Variants in SNTG1 observed in about 807,000 individuals in gnomAD.
SNTG1 encodes the protein syntrophin gamma 1.
In SNTG1, 39 loss-of-function variants were observed where a neutral mutation model predicts 74.7. The observed-to-expected ratio is 0.52, with a 90% CI of 0.40 to 0.68. The LOEUF is 0.68. SNTG1 is among the 30% of genes least tolerant of loss of function. SNTG1 has a pLI of 0.00. For synonymous variants in SNTG1, 254 were observed against 217.1 expected (o/e 1.17, Z -1.49); for missense variants, 685 against 609.5 (o/e 1.12, Z -1.30).
intron 13 of SNTG1, among the ~76,000 whole-genome samples, chr8:50,601,477 C>T (rs1308993852): frequency 3.3e-5 from 5 of 152,056 alleles, no homozygotes; most frequent in Admixed American, 6.6e-5. Context: ...CCATTGCAGT[C>T]AGAGAAAATG....
At chr8:50,646,355 C>G (rs765918002) in intron 13 of SNTG1, among the ~76,000 whole-genome samples, 4 of 152,100 alleles carry the variant, frequency 2.6e-5, no homozygotes, top group Non-Finnish European at 5.9e-5. Flanking sequence ...TTCAGTAGGT[C>G]TGGGTTAAGA....
intron 1 of SNTG1, among the ~76,000 whole-genome samples, chr8:50,064,609 T>A (rs796226675): frequency 2.6e-5 from 4 of 152,334 alleles, no homozygotes; most frequent in African/African-American, 9.6e-5. Flanking sequence ...GCCTGTGTGG[T>A]CATCCACAAT....
At chr8:50,268,943 G>A (rs1312563548) in intron 2 of SNTG1, among the ~76,000 whole-genome samples, 1 of 152,108 alleles carries the variant, frequency 6.6e-6, no homozygotes, top group Non-Finnish European at 1.5e-5. Flanking sequence ...ACAGGTGTGA[G>A]CCATCGCACC....
intron 2 of SNTG1, among the ~76,000 whole-genome samples, chr8:50,263,453 A>G (rs2087298997): frequency 6.6e-6 from 1 of 152,108 alleles, no homozygotes; most frequent in South Asian, 2.1e-4. Context: ...ATTAATTGAA[A>G]TGGAAAGTGT....
At chr8:50,502,664 T>C (rs1328005626) in intron 8 of SNTG1, 114 bp from the exon 9 acceptor site, 1 of 778,868 alleles carries the variant, frequency 1.3e-6, no homozygotes, top group Non-Finnish European at 2.0e-6. Context: ...AAAATGTTTC[T>C]GAATACTAGG....
In SNTG1 at chr8:50,660,426, G is replaced by GA. The variant is rs373288755; in HGVS notation, c.1038+1765dup. On this transcript the variant is annotated intron_variant, in intron 15 of 18. Coordinates refer to ENST00000642720, the MANE Select transcript of SNTG1 (RefSeq NM_018967.5). ...GAAAGAAAGAAAAGAAAGAAAGAAA[G>GA]AAGAAAGAAAGAAAGAGAAAAAAGA... is the stretch of plus-strand genomic sequence containing the variant. Among the ~76,000 whole-genome samples, 35 of 72,712 alleles carry GA rather than the reference G, an allele frequency of 4.8e-4. 1 individual carries two copies. Among genetic ancestry groups the GA allele is most frequent in the Admixed American group, 1.3e-3 (8 of 6,298 alleles). 47.7% of individuals were successfully genotyped at this position (72,712 alleles called of 152,430 possible).
intron 1 of SNTG1, among the ~76,000 whole-genome samples, chr8:50,065,011 T>G (rs996271162): frequency 1.3e-5 from 2 of 152,190 alleles, no homozygotes; most frequent in Non-Finnish European, 2.9e-5. Flanking sequence ...TGGCATACAG[T>G]GATTCCTCAG....
intron 2 of SNTG1, among the ~76,000 whole-genome samples, chr8:50,378,859 G>A (rs2092433436): frequency 6.6e-6 from 1 of 152,056 alleles, no homozygotes. Flanking sequence ...AGGGGAGAAA[G>A]GGCATGTGAT....
At chr8:50,493,923 A>G (rs2093881042) in intron 8 of SNTG1, among the ~76,000 whole-genome samples, 1 of 151,864 alleles carries the variant, frequency 6.6e-6, no homozygotes, top group South Asian at 2.1e-4. Flanking sequence ...CAGCAAATAC[A>G]GGTAAATAAA....
intron 1 of SNTG1, among the ~76,000 whole-genome samples, chr8:49,937,127 G>C (rs1808157522): frequency 6.6e-6 from 1 of 152,038 alleles, no homozygotes; most frequent in African/African-American, 2.4e-5. Context: ...CCAGCCTGGG[G>C]GACAGAGCTA....
rs531623722 is a variant in SNTG1 at position 50,579,332 on chromosome 8, G to A, written c.811-11547G>A. ...TTCTAGGCAGCAAAGAGGAATCAGAGCATAAATGTTTGGAAATTTTCCAGT... is the reference window on the plus strand; with the variant it reads ...TTCTAGGCAGCAAAGAGGAATCAGAACATAAATGTTTGGAAATTTTCCAGT... On this transcript the variant is annotated intron_variant, in intron 12 of 18. Coordinates refer to ENST00000642720, the MANE Select transcript of SNTG1 (RefSeq NM_018967.5). 4.5e-4 allele frequency among the ~76,000 whole-genome samples: 68 copies of A among 152,304 alleles called. 1 individual carries two copies. Among genetic ancestry groups the A allele is most frequent in the South Asian group, 1.9e-3 (9 of 4,826 alleles).
At chr8:50,039,454 CAAAAAAAAA>C (rs568678808) in intron 1 of SNTG1, among the ~76,000 whole-genome samples, 4 of 46,144 alleles carry the variant, frequency 8.7e-5, no homozygotes, top group African/African-American at 2.6e-4. Flanking sequence ...GACTCCGTCT[CAAAAAAAAA>C]AAAAAAAAAA....
At chr8:50,199,747 C>T (rs945533014) in intron 2 of SNTG1, among the ~76,000 whole-genome samples, 4 of 152,212 alleles carry the variant, frequency 2.6e-5, no homozygotes, top group East Asian at 1.9e-4. Context: ...ATGTAGGGTG[C>T]GAGTCAGCCA....
At chr8:50,097,557 CAGG>C (rs927739480) in intron 1 of SNTG1, among the ~76,000 whole-genome samples, 3 of 151,434 alleles carry the variant, frequency 2.0e-5, no homozygotes, top group Non-Finnish European at 4.4e-5. Context: ...GAGGCTGAGG[CAGG>C]AGAATGGTGT....
At chr8:50,004,103 C>G (rs981130917) in intron 1 of SNTG1, among the ~76,000 whole-genome samples, 2 of 152,064 alleles carry the variant, frequency 1.3e-5, no homozygotes, top group Admixed American at 1.3e-4. Flanking sequence ...ATCTAGTGTC[C>G]TTGTGCCTGA....
chr8:49,934,553 GT>G (rs1807888076), intron 1 of SNTG1, among the ~76,000 whole-genome samples: 1 of 152,108 alleles, frequency 6.6e-6, no homozygotes, highest in Non-Finnish European at 1.5e-5. Flanking sequence ...CAGAGAGAAG[GT>G]GGGACTAAAT....
chr8:50,088,894 G>A (rs1823183156), intron 1 of SNTG1, among the ~76,000 whole-genome samples: 1 of 149,144 alleles, frequency 6.7e-6, no homozygotes, highest in African/African-American at 2.4e-5. Context: ...TCACAGAATT[G>A]GAAAAAACTA....
In SNTG1 at chr8:50,793,366, T is replaced by C. The variant is rs1442527212; in HGVS notation, c.*537T>C. 6.6e-6 allele frequency: 1 copy of C among 151,942 alleles called. No homozygotes were observed. Among genetic ancestry groups the C allele is most frequent in the East Asian group, 1.9e-4 (1 of 5,184 alleles). The allele number at this position is 151,942 out of a possible 1,614,324, so 9.4% of individuals were successfully genotyped here. On this transcript the variant is annotated 3_prime_UTR_variant, in exon 19 of 19. Transcript: ENST00000642720. ...TTGCTGATGTAAATTTGCCCTTGTGTTCTCATCCCATGATTTGACACTGGC... is the reference window on the plus strand; with the variant it reads ...TTGCTGATGTAAATTTGCCCTTGTGCTCTCATCCCATGATTTGACACTGGC...
At chr8:50,210,216 T>A (rs562738295) in intron 2 of SNTG1, among the ~76,000 whole-genome samples, 4 of 151,966 alleles carry the variant, frequency 2.6e-5, no homozygotes, top group African/African-American at 9.7e-5. Flanking sequence ...CTCCAAGAAA[T>A]ATGGGACTAT....
Sources: allele counts gnomAD v4.1 joint callset (sites outside exome capture counted in the v4.1 genomes callset), GRCh38; gene constraint gnomAD v4.1.1; transcripts MANE v1.5; gene names NCBI Gene and HGNC (gene_info 2026-07-23, HGNC 2026-07-21).